The following COMMD10 variants were observed in gnomAD, a reference collection of about 807,000 sequenced individuals.
COMMD10 encodes the protein COMM domain containing 10, also known as COMM domain-containing protein 10.
Under a neutral mutation model 28.9 loss-of-function variants are expected in COMMD10, and 33 were observed. The observed-to-expected ratio is 1.14, with a 90% confidence interval of 0.87 to 1.53. The LOEUF (loss-of-function observed/expected upper bound fraction) is 1.53. Among genes scored for constraint, COMMD10 ranks in the 40% most tolerant of loss-of-function variants. The probability of loss-of-function intolerance (pLI) is 0.00; values close to 1 mark genes in which losing one functional copy is unlikely to be tolerated. For synonymous variants in COMMD10, 110 were observed against 81.7 expected (o/e 1.35, Z -1.87); for missense variants, 310 against 233.4 (o/e 1.33, Z -2.14).
At chr5:116,171,683 A>C (rs1313825293) in intron 5 of COMMD10, among the ~76,000 whole-genome samples, 1 of 152,156 alleles carries the variant, frequency 6.6e-6, no homozygotes, top group Non-Finnish European at 1.5e-5. Flanking sequence ...TTGCAGCATC[A>C]TGGATGAAGC....
At chr5:116,256,737 A>G (rs1319695098) in intron 5 of COMMD10, among the ~76,000 whole-genome samples, 1 of 151,848 alleles carries the variant, frequency 6.6e-6, no homozygotes, top group Non-Finnish European at 1.5e-5. Flanking sequence ...TATCATAAAC[A>G]TATAGGTTGA....
chr5:116,230,296 A>G (rs1291751279), intron 5 of COMMD10, among the ~76,000 whole-genome samples: 1 of 152,024 alleles, frequency 6.6e-6, no homozygotes, highest in African/African-American at 2.4e-5. Flanking sequence ...ATACCATACT[A>G]TTAAGATTGA....
At chr5:116,176,906 A>G (rs1008605839) in intron 5 of COMMD10, among the ~76,000 whole-genome samples, 1 of 152,176 alleles carries the variant, frequency 6.6e-6, no homozygotes, top group Non-Finnish European at 1.5e-5. Flanking sequence ...GGCCTGAAGG[A>G]GGAGAGTATT....
chr5:116,239,016 A>ATT (rs150148662), intron 5 of COMMD10, among the ~76,000 whole-genome samples: 1 of 151,752 alleles, frequency 6.6e-6, no homozygotes, highest in Non-Finnish European at 1.5e-5. Context: ...CAACAAGTTG[A>ATT]TTTTTTTTTA....
chr5:116,110,247 T>G (rs1751000118), intron 4 of COMMD10, among the ~76,000 whole-genome samples: 1 of 152,218 alleles, frequency 6.6e-6, no homozygotes. Flanking sequence ...TATTATCTTT[T>G]TAATATGCTG....
chr5:116,256,523 G>A (rs1750290335), intron 5 of COMMD10, among the ~76,000 whole-genome samples: 1 of 151,634 alleles, frequency 6.6e-6, no homozygotes, highest in Non-Finnish European at 1.5e-5. Flanking sequence ...TATGTTTAAA[G>A]AAATCAAGGA....
At chr5:116,259,686 A>G (rs983180792) in intron 5 of COMMD10, among the ~76,000 whole-genome samples, 1 of 151,576 alleles carries the variant, frequency 6.6e-6, no homozygotes, top group Non-Finnish European at 1.5e-5. Flanking sequence ...TCATCCAATA[A>G]CTGCAGGGCA....
At chr5:116,228,610 T>C (rs192593659) in intron 5 of COMMD10, among the ~76,000 whole-genome samples, 4 of 152,098 alleles carry the variant, frequency 2.6e-5, no homozygotes, top group Non-Finnish European at 4.4e-5. Flanking sequence ...AGAAATAATA[T>C]GGTCCTGCTG....
intron 4 of COMMD10, among the ~76,000 whole-genome samples, chr5:116,133,827 T>G (rs778381812): frequency 9.8e-5 from 15 of 152,338 alleles, no homozygotes; most frequent in Admixed American, 2.6e-4. Context: ...TTTTTTATTT[T>G]TAGAATAGAG....
At position 116,257,664 on chromosome 5, in the gene COMMD10, A is replaced by T. The variant is rs138583307; in HGVS notation, c.511-33853A>T. ...TTTTAAACTTCATGTTCTTTTTTGT[A>T]AAGACATTTAAGGCGATCAGCTCTT... is the stretch of plus-strand genomic sequence containing the variant. On this transcript the variant is annotated intron_variant, in intron 5 of 6. Transcript: ENST00000274458. Among the ~76,000 whole-genome samples, 309 of 151,736 alleles carry T rather than the reference A, an allele frequency of 2.0e-3. 7 individuals are homozygous for T. Among genetic ancestry groups the T allele is most frequent in the African/African-American group, 7.1e-3 (294 of 41,232 alleles).
At chr5:116,123,459 G>T (rs1481657470) in intron 4 of COMMD10, among the ~76,000 whole-genome samples, 1 of 152,170 alleles carries the variant, frequency 6.6e-6, no homozygotes, top group Non-Finnish European at 1.5e-5. Context: ...CGTGCTGCTG[G>T]ATTCGGTTTG....
At chr5:116,288,618 C>A (rs533555232) in intron 5 of COMMD10, among the ~76,000 whole-genome samples, 97 of 151,730 alleles carry the variant, frequency 6.4e-4, no homozygotes, top group Admixed American at 2.2e-3. Context: ...CCCTTATCAT[C>A]TCTTCACATT....
At chr5:116,231,419 G>C (rs940137821) in intron 5 of COMMD10, among the ~76,000 whole-genome samples, 1 of 152,092 alleles carries the variant, frequency 6.6e-6, no homozygotes, top group Non-Finnish European at 1.5e-5. Flanking sequence ...AAAAATGGTA[G>C]AGGTAAGGGG....
intron 5 of COMMD10, among the ~76,000 whole-genome samples, chr5:116,137,290 A>G (rs977633038): frequency 1.3e-5 from 2 of 152,118 alleles, no homozygotes; most frequent in African/African-American, 4.8e-5. Context: ...ACAGGTTGGA[A>G]TATTAAGTAA....
intron 5 of COMMD10, among the ~76,000 whole-genome samples, chr5:116,236,920 T>TCCTC (rs2112659605): frequency 6.6e-6 from 1 of 152,200 alleles, no homozygotes; most frequent in Admixed American, 6.5e-5. Context: ...TTTTATATCT[T>TCCTC]CCTCTCAATT....
intron 5 of COMMD10, among the ~76,000 whole-genome samples, chr5:116,262,437 G>A (rs1174608294): frequency 1.3e-5 from 2 of 151,574 alleles, no homozygotes; most frequent in Non-Finnish European, 1.5e-5. Context: ...ATGTGTTTTT[G>A]TTTTATCCAT....
intron 4 of COMMD10, among the ~76,000 whole-genome samples, chr5:116,125,565 T>C (rs1441870204): frequency 6.6e-6 from 1 of 152,106 alleles, no homozygotes; most frequent in African/African-American, 2.4e-5. Flanking sequence ...TTTGTGGCGT[T>C]CTCTGTATTA....
intron 5 of COMMD10, among the ~76,000 whole-genome samples, chr5:116,275,184 A>G (rs1311902704): frequency 6.6e-6 from 1 of 151,860 alleles, no homozygotes; most frequent in Non-Finnish European, 1.5e-5. Context: ...CATTGAAAGA[A>G]TCAGTTTTGT....
At chr5:116,211,863 A>G (rs1748974324) in intron 5 of COMMD10, among the ~76,000 whole-genome samples, 1 of 152,174 alleles carries the variant, frequency 6.6e-6, no homozygotes, top group African/African-American at 2.4e-5. Flanking sequence ...AAAACTTGAA[A>G]CATACATACA....
Sources: gnomAD v4.1 joint callset for allele counts (sites outside exome capture counted in the v4.1 genomes callset) on GRCh38, gnomAD v4.1.1 for gene constraint, MANE v1.5 for transcripts, NCBI Gene and HGNC (gene_info 2026-07-23, HGNC 2026-07-21) for gene names.